The following LRRC4C variants were observed in gnomAD, a reference collection of about 807,000 sequenced individuals.
The protein encoded by LRRC4C is leucine rich repeat containing 4C.
In LRRC4C, 5 loss-of-function variants were observed where a neutral mutation model predicts 33.6. The observed-to-expected ratio is 0.15, with a 90% CI of 0.08 to 0.31. The LOEUF (loss-of-function observed/expected upper bound fraction) is 0.31, where lower values mean the gene tolerates loss of function less well. Among genes scored for constraint, LRRC4C ranks in the 10% least tolerant of loss-of-function variants. The probability of loss-of-function intolerance (pLI) is 1.00; values close to 1 mark genes in which losing one functional copy is unlikely to be tolerated. For missense variants in LRRC4C, 560 were observed against 796.7 expected, an observed-to-expected ratio of 0.70 and a Z score of 3.58; for synonymous variants, 329 against 302.0, an observed-to-expected ratio of 1.09 and a Z score of -0.93.
chr11:40,307,017 A>ATATC (rs1945072679), intron 4 of LRRC4C, among the ~76,000 whole-genome samples: 1 of 24,696 alleles, frequency 4.0e-5, no homozygotes, highest in Admixed American at 4.6e-4. Flanking sequence ...TATCTATCTA[A>ATATC]TATCTATCTA....
chr11:41,356,339 A>G (rs1202558757), intron 1 of LRRC4C, among the ~76,000 whole-genome samples: 3 of 152,186 alleles, frequency 2.0e-5, no homozygotes, highest in Non-Finnish European at 4.4e-5. Context: ...AAAATTACAA[A>G]AAAAGTCTTT....
chr11:40,729,263 T>C (rs1289339916), intron 2 of LRRC4C, among the ~76,000 whole-genome samples: 1 of 152,226 alleles, frequency 6.6e-6, no homozygotes, highest in Non-Finnish European at 1.5e-5. Flanking sequence ...CATGTTGCAA[T>C]GTCTAATGCC....
chr11:40,168,211 G>C (rs757176280), intron 5 of LRRC4C, among the ~76,000 whole-genome samples: 1 of 152,100 alleles, frequency 6.6e-6, no homozygotes, highest in South Asian at 2.1e-4. Context: ...AATCAAATGG[G>C]GACCAAAAGA....
At chr11:40,488,791 A>G (rs1435032671) in intron 3 of LRRC4C, among the ~76,000 whole-genome samples, 1 of 152,066 alleles carries the variant, frequency 6.6e-6, no homozygotes, top group Non-Finnish European at 1.5e-5. Context: ...AGAGCTTTCT[A>G]TCTGCTTCCA....
At chr11:40,271,631 G>A (rs1392588340) in intron 4 of LRRC4C, among the ~76,000 whole-genome samples, 2 of 152,128 alleles carry the variant, frequency 1.3e-5, no homozygotes, top group East Asian at 1.9e-4. Flanking sequence ...AAGCCACTAA[G>A]GCAGTATTTC....
chr11:41,174,592 T>A (rs764015978), intron 1 of LRRC4C, among the ~76,000 whole-genome samples: 7 of 152,120 alleles, frequency 4.6e-5, no homozygotes, highest in Non-Finnish European at 8.8e-5. Flanking sequence ...GATTATGTGC[T>A]ATTGCAATTT....
intron 5 of LRRC4C, among the ~76,000 whole-genome samples, chr11:40,224,560 T>A (rs1420255653): frequency 6.6e-6 from 1 of 152,244 alleles, no homozygotes; most frequent in Admixed American, 6.5e-5. Flanking sequence ...TCAGTTCTTT[T>A]CCTCACTATC....
In LRRC4C at chr11:41,037,574, T is replaced by TCACACA. The variant is rs56234239; in HGVS notation, c.-495-103857_-495-103852dup. On this transcript the variant is annotated intron_variant, in intron 1 of 6. Transcript: ENST00000528697. ...CTGAACTTTCTTACTTCTTTTCCTT[T>TCACACA]CACACACACACACACACACACACAC... Among the ~76,000 whole-genome samples, 182 of 148,958 alleles carry TCACACA rather than the reference T, an allele frequency of 1.2e-3. 1 individual carries two copies. The highest frequency in any genetic ancestry group is 0.01 in the Middle Eastern group (3 of 290).
chr11:40,646,475 G>A (rs1942462163), intron 3 of LRRC4C, among the ~76,000 whole-genome samples: 1 of 152,050 alleles, frequency 6.6e-6, no homozygotes, highest in African/African-American at 2.4e-5. Context: ...ACCTAAATGA[G>A]CCTTTTTTCT....
intron 4 of LRRC4C, among the ~76,000 whole-genome samples, chr11:40,250,602 T>C (rs1209212076): frequency 1.3e-5 from 2 of 151,932 alleles, no homozygotes; most frequent in Non-Finnish European, 2.9e-5. Flanking sequence ...TAGCCAGGCA[T>C]GGTGGCGGGC....
intron 1 of LRRC4C, among the ~76,000 whole-genome samples, chr11:41,223,474 C>T (rs2136402406): frequency 6.6e-6 from 1 of 152,284 alleles, no homozygotes; most frequent in East Asian, 1.9e-4. Context: ...TCCATCAATA[C>T]ATTATCTCCT....
intron 1 of LRRC4C, among the ~76,000 whole-genome samples, chr11:40,984,367 GA>G (rs1356650537): frequency 5.3e-3 from 509 of 96,512 alleles, no homozygotes; most frequent in Non-Finnish European, 7.4e-3. Context: ...AAAGAAAAAA[GA>G]AAGAAAGAAA....
At chr11:40,387,530 C>A (rs368133761) in intron 3 of LRRC4C, among the ~76,000 whole-genome samples, 3 of 152,020 alleles carry the variant, frequency 2.0e-5, no homozygotes, top group African/African-American at 7.2e-5. Flanking sequence ...TTACTTTTTT[C>A]CTTATATTGT....
chr11:41,162,551 T>C (rs1944519263), intron 1 of LRRC4C, among the ~76,000 whole-genome samples: 2 of 152,190 alleles, frequency 1.3e-5, no homozygotes, highest in Admixed American at 1.3e-4. Context: ...GCCTAGGCTA[T>C]ATGGTATAGC....
chr11:41,381,484 G>T (rs1162188656), intron 1 of LRRC4C, among the ~76,000 whole-genome samples: 2 of 151,866 alleles, frequency 1.3e-5, no homozygotes, highest in Non-Finnish European at 2.9e-5. Flanking sequence ...AAAATAAGCT[G>T]GGCATGGTAG....
intron 2 of LRRC4C, among the ~76,000 whole-genome samples, chr11:40,902,856 TA>T (rs1409305072): frequency 6.6e-6 from 1 of 152,126 alleles, no homozygotes. Context: ...GAGTTTGGTC[TA>T]GGGGGTTTGA....
chr11:40,979,165 G>T (rs1490512497), intron 1 of LRRC4C, among the ~76,000 whole-genome samples: 1 of 152,020 alleles, frequency 6.6e-6, no homozygotes, highest in Non-Finnish European at 1.5e-5. Flanking sequence ...TATGAGATTT[G>T]TTCCTTTTGC....
chr11:40,225,842 C>T (rs1302221434), intron 5 of LRRC4C, among the ~76,000 whole-genome samples: 2 of 152,168 alleles, frequency 1.3e-5, no homozygotes, highest in Non-Finnish European at 2.9e-5. Flanking sequence ...AGGTCTCGAA[C>T]TCCTGACCTC....
intron 1 of LRRC4C, among the ~76,000 whole-genome samples, chr11:40,992,141 T>C (rs1853624914): frequency 6.6e-6 from 1 of 152,182 alleles, no homozygotes; most frequent in African/African-American, 2.4e-5. Context: ...TCCCTTCAAA[T>C]CACATATCTG....
Sources: allele counts gnomAD v4.1 joint callset (sites outside exome capture counted in the v4.1 genomes callset), GRCh38; gene constraint gnomAD v4.1.1; transcripts MANE v1.5; gene names NCBI Gene and HGNC (gene_info 2026-07-23, HGNC 2026-07-21).